RBFOX1: variants seen among roughly 807,000 people sequenced by gnomAD.
RBFOX1 encodes the protein RNA binding fox-1 homolog 1.
In RBFOX1, 8 loss-of-function variants were observed where a neutral mutation model predicts 57.7. The ratio of observed to expected loss-of-function variants is 0.14; its 90% CI spans 0.08 to 0.25. The LOEUF is 0.25. Among genes scored for constraint, RBFOX1 ranks in the 10% least tolerant of loss-of-function variants. The probability of loss-of-function intolerance (pLI) is 1.00; values close to 1 mark genes in which losing one functional copy is unlikely to be tolerated. For synonymous variants in RBFOX1, 326 were observed against 222.4 expected, an observed-to-expected ratio of 1.47 and a Z score of -4.15; for missense variants, 611 against 548.5, an observed-to-expected ratio of 1.11 and a Z score of -1.14.
At chr16:6,987,539 A>G (rs183905990) in intron 3 of RBFOX1, among the ~76,000 whole-genome samples, 1 of 151,798 alleles carries the variant, frequency 6.6e-6, no homozygotes, top group Non-Finnish European at 1.5e-5. Context: ...ACATAATCAT[A>G]TACACGGGCA....
At position 6,560,383 on chromosome 16, in the gene RBFOX1, G is replaced by A. The variant is rs202151750; in HGVS notation, c.-63-94220G>A. Among the ~76,000 whole-genome samples the A allele has an allele frequency of 3.9e-3, 585 of 151,924 alleles. 7 individuals are homozygous for A. The highest frequency in any genetic ancestry group is 0.013 in the African/African-American group (550 of 41,366). On this transcript the variant is annotated intron_variant, in intron 2 of 15. Coordinates refer to ENST00000550418, the MANE Select transcript of RBFOX1 (RefSeq NM_018723.4). ...TTGCAATTTTACATGAGGAGGAGAG[G>A]GCCAGTGTGGGCCTTACTGTGAAGG...
At chr16:6,997,956 C>G (rs752862664) in intron 3 of RBFOX1, among the ~76,000 whole-genome samples, 2 of 151,702 alleles carry the variant, frequency 1.3e-5, no homozygotes, top group Non-Finnish European at 2.9e-5. Flanking sequence ...TATTATATTT[C>G]GTAATCATTT....
At chr16:7,170,113 T>G (rs1410457140) in intron 4 of RBFOX1, among the ~76,000 whole-genome samples, 2 of 152,150 alleles carry the variant, frequency 1.3e-5, no homozygotes, top group Non-Finnish European at 2.9e-5. Flanking sequence ...GGTGTATGCA[T>G]GCTGGGTAAT....
intron 1 of RBFOX1, among the ~76,000 whole-genome samples, chr16:5,355,461 A>C (rs749545800): frequency 6.6e-6 from 1 of 152,204 alleles, no homozygotes; most frequent in Non-Finnish European, 1.5e-5. Context: ...TGTCTGGGTC[A>C]GGAGGCACCT....
At chr16:6,428,315 C>G (rs1042708201) in intron 2 of RBFOX1, among the ~76,000 whole-genome samples, 1 of 149,534 alleles carries the variant, frequency 6.7e-6, no homozygotes, top group African/African-American at 2.5e-5. Context: ...AAAAAGTGCT[C>G]GATGCCTAGT....
chr16:7,595,671 C>A (rs769388467), intron 8 of RBFOX1, 30 bp downstream of exon 8: 1 of 1,542,008 alleles, frequency 6.5e-7, no homozygotes, highest in Non-Finnish European at 8.8e-7. Context: ...TCCTTTTCAT[C>A]TTTTTTATAA....
intron 3 of RBFOX1, among the ~76,000 whole-genome samples, chr16:6,914,968 A>G (rs1249710140): frequency 6.6e-6 from 1 of 152,226 alleles, no homozygotes; most frequent in Non-Finnish European, 1.5e-5. Context: ...GTGCCTGCGT[A>G]CTATTATTAT....
At chr16:6,434,015 T>A (rs1365237313) in intron 2 of RBFOX1, among the ~76,000 whole-genome samples, 3 of 151,854 alleles carry the variant, frequency 2.0e-5, no homozygotes, top group Non-Finnish European at 4.4e-5. Flanking sequence ...ACCTGGCTAA[T>A]TTATGTATTT....
chr16:6,477,503 G>T lies in RBFOX1; in HGVS notation c.-64+160446G>T, dbSNP rs569237051. Among the ~76,000 whole-genome samples, 368 of 152,278 alleles carry T rather than the reference G, an allele frequency of 2.4e-3. 2 individuals are homozygous for T. The highest frequency in any genetic ancestry group is 8.2e-3 in the African/African-American group (341 of 41,560). On this transcript the variant is annotated intron_variant, in intron 2 of 15. Transcript: ENST00000550418. The stretch of plus-strand genomic sequence containing the variant: ...AGGAATCCTTTTTTCTGAATAGTAG[G>T]TGTTAATAGTGGGCTTAAAATATTC...
chr16:5,402,082 G>A (rs1385739824), intron 1 of RBFOX1, among the ~76,000 whole-genome samples: 1 of 152,084 alleles, frequency 6.6e-6, no homozygotes. Context: ...AGTACTCCCG[G>A]GCTAAGAACA....
chr16:7,661,646 G>A (rs557882120), intron 12 of RBFOX1, among the ~76,000 whole-genome samples: 1 of 152,194 alleles, frequency 6.6e-6, no homozygotes, highest in Non-Finnish European at 1.5e-5. Flanking sequence ...CCCACTTCCT[G>A]TACACTCTGG....
intron 3 of RBFOX1, among the ~76,000 whole-genome samples, chr16:6,998,745 C>T (rs1015327645): frequency 2.0e-5 from 3 of 152,102 alleles, no homozygotes; most frequent in African/African-American, 7.2e-5. Flanking sequence ...ATATATCAGG[C>T]TCTCTTGAGA....
At chr16:6,544,563 C>T (rs1043535469) in intron 2 of RBFOX1, among the ~76,000 whole-genome samples, 19 of 152,168 alleles carry the variant, frequency 1.2e-4, no homozygotes, top group African/African-American at 4.6e-4. Context: ...ATTGTTTTCT[C>T]TTAGCATTCG....
chr16:6,418,835 G>A (rs1022631093), intron 2 of RBFOX1, among the ~76,000 whole-genome samples: 4 of 152,084 alleles, frequency 2.6e-5, no homozygotes, highest in African/African-American at 9.7e-5. Context: ...GGCCCTTCAT[G>A]CAAGTTTGAT....
chr16:7,140,845 C>T (rs549667771), intron 4 of RBFOX1, among the ~76,000 whole-genome samples: 1 of 152,290 alleles, frequency 6.6e-6, no homozygotes, highest in African/African-American at 2.4e-5. Context: ...TGGCGGACTC[C>T]AGGAGCAGGA....
At chr16:7,544,694 A>C (rs1333647953) in intron 5 of RBFOX1, among the ~76,000 whole-genome samples, 1 of 152,198 alleles carries the variant, frequency 6.6e-6, no homozygotes, top group African/African-American at 2.4e-5. Context: ...GAACTGTGAG[A>C]GATTACCTTT....
chr16:7,019,524 C>G (rs2094100383), intron 3 of RBFOX1, among the ~76,000 whole-genome samples: 1 of 152,112 alleles, frequency 6.6e-6, no homozygotes, highest in Non-Finnish European at 1.5e-5. Flanking sequence ...CCATGGTCCT[C>G]TCTCTCCTCT....
intron 1 of RBFOX1, among the ~76,000 whole-genome samples, chr16:6,053,652 T>G (rs1238993292): frequency 2.0e-5 from 3 of 152,030 alleles, no homozygotes; most frequent in Admixed American, 2.0e-4. Flanking sequence ...GTTAAATAAA[T>G]AAAACATTTT....
At chr16:6,695,589 G>C (rs2060926606) in intron 3 of RBFOX1, among the ~76,000 whole-genome samples, 1 of 150,648 alleles carries the variant, frequency 6.6e-6, no homozygotes, top group Middle Eastern at 3.2e-3. Flanking sequence ...ATAGAATGAT[G>C]AGCACTCTCA....
Sources: gnomAD v4.1 joint callset for allele counts (sites outside exome capture counted in the v4.1 genomes callset) on GRCh38, gnomAD v4.1.1 for gene constraint, MANE v1.5 for transcripts, NCBI Gene and HGNC (gene_info 2026-07-23, HGNC 2026-07-21) for gene names.